Variants in GALNT13 observed in about 807,000 individuals in gnomAD.
GALNT13 encodes the protein UDP-GalNAc:polypeptide N-acetylgalactosaminyltransferase 13.
A neutral mutation model predicts 64.2 loss-of-function variants in GALNT13; 28 were observed. The ratio of observed to expected loss-of-function variants is 0.44; its 90% CI spans 0.32 to 0.60. The LOEUF (loss-of-function observed/expected upper bound fraction) is 0.60, where lower values mean the gene tolerates loss of function less well. Among genes scored for constraint, GALNT13 ranks in the 20% least tolerant of loss-of-function variants. The probability of loss-of-function intolerance (pLI) is 0.05; values close to 1 mark genes in which losing one functional copy is unlikely to be tolerated. For missense variants in GALNT13, 577 were observed against 669.8 expected (o/e 0.86, Z 1.53); for synonymous variants, 214 against 224.6 (o/e 0.95, Z 0.42).
chr2:153,878,447 G>A (rs762491280), intron 1 of GALNT13, among the ~76,000 whole-genome samples: 3 of 152,114 alleles, frequency 2.0e-5, no homozygotes, highest in Admixed American at 1.3e-4. Flanking sequence ...ATGACATAAT[G>A]CTTATAGCTT....
At chr2:153,582,612 A>T in the GALNT13 span, among the ~76,000 whole-genome samples, 1 of 152,098 alleles carries the variant, frequency 6.6e-6, no homozygotes, top group Non-Finnish European at 1.5e-5. Context: ...TACCATTTTA[A>T]TTATGTTTAA....
chr2:153,723,712 A>T, the GALNT13 span, among the ~76,000 whole-genome samples: 1 of 152,012 alleles, frequency 6.6e-6, no homozygotes, highest in Non-Finnish European at 1.5e-5. Context: ...CAATTGCTTC[A>T]AAGGGAATAA....
intron 1 of GALNT13, among the ~76,000 whole-genome samples, chr2:153,879,707 T>G (rs572478208): frequency 6.6e-6 from 1 of 152,198 alleles, no homozygotes; most frequent in Non-Finnish European, 1.5e-5. Flanking sequence ...GTAGCAGAAT[T>G]GAAAACAGAA....
chr2:154,282,992 T>C (rs991887474), intron 8 of GALNT13, among the ~76,000 whole-genome samples: 8 of 152,196 alleles, frequency 5.3e-5, no homozygotes, highest in Non-Finnish European at 8.8e-5. Flanking sequence ...AAGTTTCATA[T>C]CAAGAATGAG....
intron 3 of GALNT13, among the ~76,000 whole-genome samples, chr2:153,973,105 A>C (rs113394131): frequency 2.6e-5 from 4 of 152,136 alleles, no homozygotes; most frequent in African/African-American, 9.6e-5. Flanking sequence ...TTAGTCGTTC[A>C]TAGCCCCTTT....
the GALNT13 span, among the ~76,000 whole-genome samples, chr2:153,783,292 A>T: frequency 1.3e-5 from 2 of 152,348 alleles, no homozygotes; most frequent in East Asian, 3.9e-4. Flanking sequence ...TCAGGAAGCC[A>T]AGGAAAGAAA....
chr2:154,433,291 G>C lies in GALNT13; in HGVS notation c.1396-5301G>C, dbSNP rs555597290. On this transcript the variant is annotated intron_variant, in intron 11 of 12. Transcript: ENST00000392825. Reference sequence around the variant, plus strand: ...GCCTCCCAGAGTTTTCACAAAAAGTGGCTCACTTATAAAATATGCATTGTC... The same window carrying C: ...GCCTCCCAGAGTTTTCACAAAAAGTCGCTCACTTATAAAATATGCATTGTC... 6.7e-4 allele frequency among the ~76,000 whole-genome samples: 102 copies of C among 152,118 alleles called. 1 individual carries two copies. The highest frequency in any genetic ancestry group is 2.2e-3 in the African/African-American group (91 of 41,496).
chr2:153,821,824 A>G, the GALNT13 span, among the ~76,000 whole-genome samples: 1 of 151,556 alleles, frequency 6.6e-6, no homozygotes, highest in African/African-American at 2.4e-5. Flanking sequence ...AACAAGACTG[A>G]TAGACCACAA....
At chr2:153,892,893 C>A (rs565617280) in intron 1 of GALNT13, among the ~76,000 whole-genome samples, 80 of 152,000 alleles carry the variant, frequency 5.3e-4, no homozygotes, top group Admixed American at 1.1e-3. Context: ...ATTTTATCTG[C>A]AAATTCTTAG....
At chr2:153,856,297 A>C in the GALNT13 span, among the ~76,000 whole-genome samples, 1 of 152,176 alleles carries the variant, frequency 6.6e-6, no homozygotes, top group African/African-American at 2.4e-5. Flanking sequence ...AGGTAAATAG[A>C]TAGATAGTTG....
At chr2:154,410,600 G>A (rs969666544) in intron 11 of GALNT13, among the ~76,000 whole-genome samples, 1 of 151,850 alleles carries the variant, frequency 6.6e-6, no homozygotes, top group Admixed American at 6.6e-5. Flanking sequence ...AGGTAAAAAT[G>A]TGTTACTTGG....
At chr2:153,465,731 C>T in the GALNT13 span, among the ~76,000 whole-genome samples, 1 of 151,872 alleles carries the variant, frequency 6.6e-6, no homozygotes, top group Non-Finnish European at 1.5e-5. Flanking sequence ...ATCGCAAAGC[C>T]ATTTTGAGTG....
chr2:153,761,028 G>A, the GALNT13 span, among the ~76,000 whole-genome samples: 14 of 152,188 alleles, frequency 9.2e-5, no homozygotes, highest in Non-Finnish European at 1.8e-4. Flanking sequence ...CCTACTTTAA[G>A]TATAGCTAAC....
Position 153,872,987 on chromosome 2 carries a change from CTG to C in GALNT13, c.-177+688_-177+689del, listed in dbSNP as rs199769740. 3.9e-4 allele frequency among the ~76,000 whole-genome samples: 59 copies of C among 152,228 alleles called. No individual in the cohort carries two copies. In the East Asian group the frequency reaches 7.5e-3, roughly 19 times the overall value. ...TTTCCCTCTTTCTTTCTTGGGATAT[CTG>C]TGTCCCTGTTAATCTGTCTTTCCTT... On this transcript the variant is annotated intron_variant, in intron 1 of 12. Coordinates refer to ENST00000392825, the MANE Select transcript of GALNT13 (RefSeq NM_052917.4).
the GALNT13 span, among the ~76,000 whole-genome samples, chr2:153,828,969 A>C: frequency 6.6e-6 from 1 of 152,202 alleles, no homozygotes; most frequent in Non-Finnish European, 1.5e-5. Context: ...AAATGCCACC[A>C]GTCTCTTTGC....
the GALNT13 span, among the ~76,000 whole-genome samples, chr2:153,818,389 C>T: frequency 6.6e-6 from 1 of 152,162 alleles, no homozygotes; most frequent in Non-Finnish European, 1.5e-5. Flanking sequence ...GCCCTGACTA[C>T]CCCGCTGTTT....
chr2:154,285,368 A>G (rs1692205305), intron 8 of GALNT13, among the ~76,000 whole-genome samples: 1 of 152,118 alleles, frequency 6.6e-6, no homozygotes, highest in African/African-American at 2.4e-5. Flanking sequence ...ATTTAAGTCT[A>G]TATTTTATCC....
At chr2:154,196,238 A>G (rs1223515769) in intron 4 of GALNT13, among the ~76,000 whole-genome samples, 1 of 152,056 alleles carries the variant, frequency 6.6e-6, no homozygotes, top group African/African-American at 2.4e-5. Flanking sequence ...AAAAAAAAAC[A>G]ACTCTCATGA....
chr2:153,094,570 G>A, the GALNT13 span, among the ~76,000 whole-genome samples: 27 of 152,214 alleles, frequency 1.8e-4, no homozygotes, highest in Admixed American at 8.5e-4. Context: ...AAAAGAGCCC[G>A]CATTGCCAAG....
Sources: allele counts gnomAD v4.1 joint callset (sites outside exome capture counted in the v4.1 genomes callset), GRCh38; gene constraint gnomAD v4.1.1; transcripts MANE v1.5; gene names NCBI Gene and HGNC (gene_info 2026-07-23, HGNC 2026-07-21).